Variants in UNC79 observed in about 807,000 individuals in gnomAD.
UNC79 encodes the protein unc-79 subunit of NALCN channel complex, also known as protein unc-79 homolog.
Under a neutral mutation model 283.1 loss-of-function variants are expected in UNC79, and 37 were observed. That is an observed-to-expected ratio of 0.13 (90% CI 0.10 to 0.17). UNC79 has a LOEUF of 0.17. UNC79 is among the 10% of genes least tolerant of loss of function. The pLI is 1.00. For synonymous variants in UNC79, 1,107 were observed against 1,200.2 expected (o/e 0.92, Z 1.61); for missense variants, 2,272 against 3,211.1 (o/e 0.71, Z 7.07).
At chr14:93,337,955 C>G (rs1021497915) in intron 1 of UNC79, among the ~76,000 whole-genome samples, 1 of 152,104 alleles carries the variant, frequency 6.6e-6, no homozygotes, top group Non-Finnish European at 1.5e-5. Context: ...ATGCCAGTGC[C>G]TGGAGCTGCC....
chr14:93,516,816 C>T (rs1220805804), intron 7 of UNC79, among the ~76,000 whole-genome samples: 1 of 151,876 alleles, frequency 6.6e-6, no homozygotes, highest in Non-Finnish European at 1.5e-5. Flanking sequence ...GACATCTTAA[C>T]AATATTGAGT....
chr14:93,399,934 C>A (rs1420610650), intron 1 of UNC79, among the ~76,000 whole-genome samples: 1 of 152,086 alleles, frequency 6.6e-6, no homozygotes, highest in Non-Finnish European at 1.5e-5. Context: ...ATTAATGGGA[C>A]CCATGACCGC....
intron 2 of UNC79, among the ~76,000 whole-genome samples, chr14:93,471,215 C>A (rs1470608130): frequency 6.6e-6 from 1 of 152,126 alleles, no homozygotes; most frequent in African/African-American, 2.4e-5. Flanking sequence ...AACTTTAGAG[C>A]ATTGCATAAT....
At chr14:93,598,402 GT>G (rs879448225) in intron 24 of UNC79, among the ~76,000 whole-genome samples, 3,749 of 151,162 alleles carry the variant, frequency 0.025, 85 homozygotes, top group African/African-American at 0.055. Context: ...GTGTGTGTGT[GT>G]GTGTGTGGCA....
intron 1 of UNC79, among the ~76,000 whole-genome samples, chr14:93,459,832 G>T (rs2056898926): frequency 2.1e-5 from 1 of 47,164 alleles, no homozygotes; most frequent in Non-Finnish European, 4.2e-5. Flanking sequence ...CACCACGCCC[G>T]GCTAATTTTT....
Position 93,688,763 on chromosome 14 carries a change from G to A in UNC79, c.7008G>A (p.Arg2336=), listed in dbSNP as rs1247674153. The A allele has an allele frequency of 6.8e-6, 11 of 1,613,736 alleles. No homozygotes were observed. In the Admixed American group the frequency reaches 1.8e-4, roughly 27 times the overall value. ...AGATTGCAGCCATGGACATCTCACG[G>A]GGCAACCACAGAGATAACAAAGCTG... Residue 2336 remains arginine (R), a synonymous_variant, in exon 44 of 49, where the codon CGG becomes CGA. Coordinates refer to ENST00000555664, the Ensembl canonical transcript of UNC79. This position sits in a 1 kb window ranked among gnomAD's most constrained non-coding sequence, Gnocchi z 4.0.
At chr14:93,426,013 C>T (rs1205024730), upstream of UNC79, among the ~76,000 whole-genome samples, 1 of 152,170 alleles carries the variant, frequency 6.6e-6, no homozygotes, top group Non-Finnish European at 1.5e-5. Flanking sequence ...CTGCTGGTGG[C>T]AAATTCTCTC....
chr14:93,337,313 T>C (rs570517126), intron 1 of UNC79, among the ~76,000 whole-genome samples: 1 of 152,348 alleles, frequency 6.6e-6, no homozygotes, highest in East Asian at 1.9e-4. Flanking sequence ...AAAAAGCTCT[T>C]CTTAAGTTTG....
chr14:93,524,909 T>C (rs771098161), intron 8 of UNC79, among the ~76,000 whole-genome samples: 4 of 152,114 alleles, frequency 2.6e-5, no homozygotes, highest in African/African-American at 4.8e-5. Flanking sequence ...AGATAGCCTG[T>C]AGAAAACCAA....
Position 93,349,138 on chromosome 14 carries a change from C to G in UNC79, c.-351+15615C>G, listed in dbSNP as rs564290438. On this transcript the variant is annotated intron_variant, in intron 1 of 49. Transcript: ENST00000256339. Reference sequence around the variant, plus strand: ...ATTTGAACATCTGAAGGAACAAACTCCGGACACACACCATCTTTAACAACT... The same window carrying G: ...ATTTGAACATCTGAAGGAACAAACTGCGGACACACACCATCTTTAACAACT... Among the ~76,000 whole-genome samples the G allele has an allele frequency of 2.6e-5, 4 of 152,290 alleles. No homozygotes were observed. The East Asian group carries it at 7.7e-4, about 29-fold the overall frequency.
intron 1 of UNC79, chr14:93,348,456 T>C (rs895844003): frequency 4.2e-6 from 1 of 240,162 alleles, no homozygotes; most frequent in African/African-American, 2.4e-5. Context: ...AGTGACATTG[T>C]TACTATATGG....
In UNC79 at chr14:93,662,573, T is replaced by C. The variant is rs374715229; in HGVS notation, c.6526-31T>C. 89 of 1,419,888 alleles carry C rather than the reference T, an allele frequency of 6.3e-5. No individual in the cohort carries two copies. In the African/African-American group the frequency reaches 1.2e-3, roughly 19 times the overall value. 88.0% of individuals were successfully genotyped at this position (1,419,888 alleles called of 1,614,324 possible). A position where few individuals can be genotyped will look rare whatever the true frequency, so the allele number is the denominator to read the frequency against. On this transcript the variant is annotated intron_variant, in intron 39 of 48. Transcript: ENST00000555664. ...TTTTTTGAAATGAAGTAATCAGCAA[T>C]TGACTTTATTTGGCCCCAATCTCAT...
chr14:93,704,135 C>T (rs950982006), intron 47 of UNC79, among the ~76,000 whole-genome samples: 2 of 152,176 alleles, frequency 1.3e-5, no homozygotes, highest in African/African-American at 2.4e-5. Context: ...GGCTCAGTCT[C>T]GCTGTATTAC....
chr14:93,680,356 A>G (rs932540179), intron 41 of UNC79, among the ~76,000 whole-genome samples: 2 of 152,184 alleles, frequency 1.3e-5, no homozygotes, highest in Non-Finnish European at 2.9e-5. Flanking sequence ...AGGCCATGCA[A>G]ACATACTTAA....
chr14:93,489,106 T>TA (rs2058600193), intron 5 of UNC79, among the ~76,000 whole-genome samples: 1 of 152,198 alleles, frequency 6.6e-6, no homozygotes. Flanking sequence ...CACATCTGGC[T>TA]AATTTTTAAA....
chr14:93,468,675 A>C (rs2057342523), intron 2 of UNC79, among the ~76,000 whole-genome samples: 1 of 152,226 alleles, frequency 6.6e-6, no homozygotes. Flanking sequence ...CCACGGGAAA[A>C]GCTGAATGCT....
chr14:93,339,436 A>G (rs1372504677), intron 1 of UNC79, among the ~76,000 whole-genome samples: 2 of 152,042 alleles, frequency 1.3e-5, no homozygotes, highest in East Asian at 1.9e-4. Context: ...AGTAGCTGGG[A>G]CTACAGGTGC....
intron 14 of UNC79, among the ~76,000 whole-genome samples, chr14:93,553,799 C>T (rs1259947108): frequency 6.6e-6 from 1 of 152,108 alleles, no homozygotes; most frequent in East Asian, 1.9e-4. Flanking sequence ...TTTTGATACA[C>T]CAAATAAGCT....
chr14:93,532,633 A>C (rs1350150784), intron 11 of UNC79, 55 bp downstream of exon 11: 2 of 1,599,668 alleles, frequency 1.3e-6, no homozygotes, highest in African/African-American at 2.7e-5. Context: ...TTGTATGTAA[A>C]TTCATTTATT....
Sources: allele counts gnomAD v4.1 joint callset (sites outside exome capture counted in the v4.1 genomes callset), GRCh38; gene constraint gnomAD v4.1.1; non-coding constraint Gnocchi (gnomAD v3.1); transcripts MANE v1.5; gene names NCBI Gene and HGNC (gene_info 2026-07-23, HGNC 2026-07-21).